The following ZMYND10 variants were observed in gnomAD, a reference collection of about 807,000 sequenced individuals.
ZMYND10 encodes the protein zinc finger MYND domain-containing protein 10.
A neutral mutation model predicts 62.6 loss-of-function variants in ZMYND10; 52 were observed. The observed-to-expected ratio is 0.83, with a 90% confidence interval of 0.67 to 1.05. The LOEUF (loss-of-function observed/expected upper bound fraction) is 1.05, where lower values mean the gene tolerates loss of function less well. ZMYND10 is among the 50% of genes least tolerant of loss of function. The pLI is 0.00. For synonymous variants in ZMYND10, 197 were observed against 218.5 expected (o/e 0.90, Z 0.87); for missense variants, 438 against 543.3 (o/e 0.81, Z 1.93).
Position 50,341,437 on chromosome 3 carries a change from C to T in ZMYND10, c.1296G>A (p.Leu432=). 1.2e-6 allele frequency: 2 copies of T among 1,614,196 alleles called. No individual in the cohort carries two copies. The highest frequency in any genetic ancestry group is 2.2e-5 in the South Asian group (2 of 91,084). Residue 432 remains leucine (L), a synonymous_variant, in exon 12 of 12, where the codon CTG becomes CTA. Transcript: ENST00000231749. ...ATTTGGCTCTGTCACCCTGGGCTGCCAGGACACAAGTCTTTCCATGCTTTT... is the reference window on the plus strand; with the variant it reads ...ATTTGGCTCTGTCACCCTGGGCTGCTAGGACACAAGTCTTTCCATGCTTTT... ...HWEKHGKTCV[L]AAQGDRAK is the part of the protein sequence containing the mutation.
chr3:50,345,061 C>T lies in ZMYND10; in HGVS notation c.201+63G>A, dbSNP rs892396080. ...GAGGGGAAGGGCACACAGGGGACTC[C>T]GGAGGGGTAGAGTAGGTGAGGTATG... On this transcript the variant is annotated intron_variant, in intron 2 of 11. Coordinates refer to ENST00000231749, the MANE Select transcript of ZMYND10 (RefSeq NM_015896.4). The surrounding 1 kb of genome is among the most constrained non-coding windows in gnomAD (Gnocchi z 5.0). 1.1e-5 allele frequency: 16 copies of T among 1,457,912 alleles called. No individual in the cohort carries two copies. The highest frequency in any genetic ancestry group is 1.8e-5 in the Admixed American group (1 of 54,870). 90.3% of individuals were successfully genotyped at this position (1,457,912 alleles called of 1,614,324 possible).
At chr3:50,342,628 C>A in intron 7 of ZMYND10, 59 bp from the exon 8 acceptor site, 1 of 1,564,948 alleles carries the variant, frequency 6.4e-7, no homozygotes, top group Non-Finnish European at 8.7e-7. Context: ...AGTGAGCCAG[C>A]TGTGGGGGCT....
chr3:50,342,760 C>T, intron 7 of ZMYND10, 158 bp downstream of exon 7: 2 of 1,468,572 alleles, frequency 1.4e-6, no homozygotes, highest in Non-Finnish European at 1.8e-6. Context: ...TGGCCTGCTG[C>T]AGAGCTCAGG....
At chr3:50,344,105 G>T in intron 2 of ZMYND10, 1 of 496,902 alleles carries the variant, frequency 2.0e-6, no homozygotes, top group Non-Finnish European at 3.7e-6. Context: ...GCCTTGCCCT[G>T]CCTGCACCTG....
chr3:50,342,055 G>A lies in ZMYND10; in HGVS notation c.959C>T (p.Thr320Ile), dbSNP rs745435690. The stretch of plus-strand genomic sequence containing the variant: ...GTCCTTCTTAGGAGGCTGGGTTTCA[G>A]TTAGGGTCAGATGGGCCAGGAAACT... ...LQSFLAHLTL[T>I]ETQPPKKDLV... is the part of the protein sequence containing the mutation. Residue 320 changes from threonine (T) to isoleucine (I), a missense_variant, in exon 9 of 12, where the codon ACT (threonine) becomes ATT (isoleucine). Thr to Ile is a moderately conservative substitution (Grantham distance 89, BLOSUM62 -1). Coordinates refer to ENST00000231749, the MANE Select transcript of ZMYND10 (RefSeq NM_015896.4). 3 of 1,614,190 alleles carry A rather than the reference G, an allele frequency of 1.9e-6. No individual in the cohort carries two copies. The Admixed American group carries it at 5.0e-5, about 27-fold the overall frequency.
chr3:50,344,133 C>T (rs1030909475), intron 2 of ZMYND10: 12 of 434,644 alleles, frequency 2.8e-5, no homozygotes, highest in African/African-American at 1.2e-4. Flanking sequence ...ATCCTCTGCC[C>T]GCCCATTCAG....
chr3:50,343,947 C>T (rs749663034), intron 2 of ZMYND10, 97 bp from the exon 3 acceptor site: 7 of 1,071,492 alleles, frequency 6.5e-6, no homozygotes, highest in Non-Finnish European at 9.8e-6. Context: ...TATCCCCAAA[C>T]ACTGCTGGGC....
chr3:50,344,619 T>C (rs1422084062), intron 2 of ZMYND10, among the ~76,000 whole-genome samples: 2 of 108,410 alleles, frequency 1.8e-5, no homozygotes, highest in Non-Finnish European at 3.8e-5. Flanking sequence ...ATGCCCGGCT[T>C]TTTTTTTTTT....
Position 50,343,442 on chromosome 3 carries a change from C to A in ZMYND10, c.375G>T (p.Glu125Asp). The change falls in exon 5 of 12, where the codon GAG becomes GAT. Residue 125 changes from glutamate (E) to aspartate (D), a missense_variant and splice_region_variant. Glu to Asp is a conservative substitution (Grantham distance 45, BLOSUM62 2). Coordinates refer to ENST00000231749, the MANE Select transcript of ZMYND10 (RefSeq NM_015896.4). ...CAGTGTCTTCTGCTGACTCACACAC[C>A]TCCTGGGAAAAGGAGGAGGGAAACT... ...NLLETVFFHK[E>D]VCESAEDTVL... The A allele has an allele frequency of 6.2e-7, 1 of 1,612,054 alleles. No homozygotes were observed. Among genetic ancestry groups the A allele is most frequent in the Non-Finnish European group, 8.5e-7 (1 of 1,178,340 alleles).
Position 50,341,907 on chromosome 3 carries a change from C to T in ZMYND10, c.1024G>A (p.Glu342Lys), listed in dbSNP as rs1487329574. 2 of 1,614,066 alleles carry T rather than the reference C, an allele frequency of 1.2e-6. No homozygotes were observed. Among genetic ancestry groups the T allele is most frequent in the East Asian group, 2.2e-5 (1 of 44,904 alleles). Reference protein sequence around the residue: ...EQIPEIWERLERENRGKWQAI... With the variant: ...EQIPEIWERLKRENRGKWQAI... ...TGCCACTTGCCTCTGTTTTCTCGCT[C>T]CAGCCGCTCCCAGATTTCTGGGATC... Residue 342 changes from glutamate to lysine, a missense_variant, in exon 10 of 12, where the codon GAG becomes AAG. By Grantham distance (56) the Glu-to-Lys change is moderately conservative. Transcript: ENST00000231749.
In ZMYND10 at chr3:50,343,459, A is replaced by T. The variant is rs1460448893; in HGVS notation, c.373-15T>A. The T allele has an allele frequency of 6.2e-7, 1 of 1,612,228 alleles. No individual in the cohort carries two copies. Among genetic ancestry groups the T allele is most frequent in the Non-Finnish European group, 8.5e-7 (1 of 1,178,436 alleles). On this transcript the variant is annotated splice_polypyrimidine_tract_variant and intron_variant, in intron 4 of 11. Transcript: ENST00000231749. The stretch of plus-strand genomic sequence containing the variant: ...TCACACACCTCCTGGGAAAAGGAGG[A>T]GGGAAACTTTCTGTGTCTGATGCCT...
In ZMYND10 at chr3:50,345,265, G is replaced by A. The variant is rs774883681; in HGVS notation, c.93-33C>T. 41 of 1,602,614 alleles carry A rather than the reference G, an allele frequency of 2.6e-5. No individual in the cohort carries two copies. The highest frequency in any genetic ancestry group is 3.4e-5 in the Non-Finnish European group (40 of 1,173,274). ...AGAGGGTAAGTGCATGTGCGTCCAC[G>A]TGTGTGCATTAGGAGTGGGGATGGG... On this transcript the variant is annotated intron_variant, in intron 1 of 11. Coordinates refer to ENST00000231749, the MANE Select transcript of ZMYND10 (RefSeq NM_015896.4). The surrounding 1 kb of genome is among the most constrained non-coding windows in gnomAD (Gnocchi z 5.0).
chr3:50,344,252 C>T (rs919555771), intron 2 of ZMYND10, among the ~76,000 whole-genome samples: 6 of 152,094 alleles, frequency 3.9e-5, no homozygotes, highest in Non-Finnish European at 8.8e-5. Context: ...GGACCCTTCA[C>T]AGTGCCCTGT....
At chr3:50,343,900 TG>T in intron 2 of ZMYND10, 50 bp from the exon 3 acceptor site, 1 of 1,562,370 alleles carries the variant, frequency 6.4e-7, no homozygotes, top group Middle Eastern at 1.7e-4. Flanking sequence ...TACCTTTGCC[TG>T]GCAACCCTCC....
At position 50,341,641 on chromosome 3, in the gene ZMYND10, A is replaced by G; in HGVS notation, c.1180T>C (p.Cys394Arg). 5 of 1,614,244 alleles carry G rather than the reference A, an allele frequency of 3.1e-6. No individual in the cohort carries two copies. The highest frequency in any genetic ancestry group is 4.2e-6 in the Non-Finnish European group (5 of 1,180,042). ...GAAGCCTCTGCACTGCAGTAAGCAC[A>G]GCGGGGCCGCTCTGGAGCCACTGCC... ...LEAVAPERPR[C>R]AYCSAEASKR... Residue 394 changes from cysteine to arginine, a missense_variant, in exon 11 of 12, where the codon TGT becomes CGT. Cys to Arg is a radical substitution (Grantham distance 180, BLOSUM62 -3). Transcript: ENST00000231749.
In ZMYND10 at chr3:50,341,515, A is replaced by G. The variant is rs1989839; in HGVS notation, c.1248-30T>C. On this transcript the variant is annotated intron_variant, in intron 11 of 11. Transcript: ENST00000231749. ...AGGCAGGTGGGTATTGAGGATGGCA[A>G]TGCATGTGGGGGATGTGGGAGTAGG... 0.15 allele frequency: 245,373 copies of G among 1,614,102 alleles called. 28,437 individuals are homozygous for G. The highest frequency in any genetic ancestry group is 0.62 in the East Asian group (27,745 of 44,876).
Position 50,345,693 on chromosome 3 carries a change from G to C in ZMYND10, c.-114C>G. ...GTCTGGGACAGGACAGTTGCGGGACGGTTGGGGAGCGTCAGTTCTCGCAGC... is the reference window on the plus strand; with the variant it reads ...GTCTGGGACAGGACAGTTGCGGGACCGTTGGGGAGCGTCAGTTCTCGCAGC... On this transcript the variant is annotated 5_prime_UTR_variant, in exon 1 of 12. Coordinates refer to ENST00000231749, the MANE Select transcript of ZMYND10 (RefSeq NM_015896.4). This position sits in a 1 kb window ranked among gnomAD's most constrained non-coding sequence, Gnocchi z 5.0. 4.0e-6 allele frequency: 6 copies of C among 1,498,012 alleles called. No individual in the cohort carries two copies. Among genetic ancestry groups the C allele is most frequent in the Middle Eastern group, 1.7e-4 (1 of 5,790 alleles). 92.8% of individuals were successfully genotyped at this position (1,498,012 alleles called of 1,614,324 possible). A position where few individuals can be genotyped will look rare whatever the true frequency, so the allele number is the denominator to read the frequency against.
chr3:50,344,115 G>A, intron 2 of ZMYND10: 1 of 482,746 alleles, frequency 2.1e-6, no homozygotes, highest in Non-Finnish European at 3.8e-6. Flanking sequence ...GCCTGCACCT[G>A]CACCCTTATC....
At chr3:50,342,595 G>A (rs1441666127) in intron 7 of ZMYND10, 26 bp from the exon 8 acceptor site, 1 of 1,601,028 alleles carries the variant, frequency 6.2e-7, no homozygotes, top group African/African-American at 1.3e-5. Context: ...AGCACACTGG[G>A]TGCAGACGTT....
Sources: gnomAD v4.1 joint callset for allele counts (sites outside exome capture counted in the v4.1 genomes callset) on GRCh38, gnomAD v4.1.1 for gene constraint, Gnocchi (gnomAD v3.1) non-coding constraint, MANE v1.5 for transcripts, NCBI Gene and HGNC (gene_info 2026-07-23, HGNC 2026-07-21) for gene names.